Variants in PCNP observed in about 807,000 individuals in gnomAD.
PCNP encodes PEST proteolytic signal containing nuclear protein.
In PCNP, 6 loss-of-function variants were observed where a neutral mutation model predicts 21.8. That is an observed-to-expected ratio of 0.28 (90% CI 0.15 to 0.54). The LOEUF (loss-of-function observed/expected upper bound fraction) is 0.54, where lower values mean the gene tolerates loss of function less well. Ranked by LOEUF, PCNP falls within the 20% of genes least tolerant of loss-of-function variation. The probability of loss-of-function intolerance (pLI) is 0.95; values close to 1 mark genes in which losing one functional copy is unlikely to be tolerated. For missense variants in PCNP, 161 were observed against 215.5 expected (o/e 0.75, Z 1.58); for synonymous variants, 67 against 73.2 (o/e 0.92, Z 0.43).
intron 3 of PCNP, among the ~76,000 whole-genome samples, chr3:101,587,459 T>C (rs994247565): frequency 1.3e-5 from 2 of 152,040 alleles, no homozygotes; most frequent in Non-Finnish European, 2.9e-5. Flanking sequence ...ACTCATTCTA[T>C]CCATTTGAGT....
chr3:101,589,092 T>A (rs1213326955), intron 3 of PCNP, among the ~76,000 whole-genome samples: 3 of 152,228 alleles, frequency 2.0e-5, no homozygotes, highest in Non-Finnish European at 4.4e-5. Flanking sequence ...ATGATGATTT[T>A]TCTGATTCCA....
chr3:101,586,554 G>GTGTGTGTC (rs1935519506), intron 3 of PCNP, among the ~76,000 whole-genome samples: 1 of 57,716 alleles, frequency 1.7e-5, no homozygotes, highest in South Asian at 6.5e-4. Flanking sequence ...TCGTGTGTGT[G>GTGTGTGTC]TGTGTGTGTG....
At chr3:101,579,511 G>A (rs182170174) in intron 1 of PCNP, 69 of 572,640 alleles carry the variant, frequency 1.2e-4, no homozygotes, top group Non-Finnish European at 9.6e-5. Context: ...TGTACAAATT[G>A]TAGTGTTTAG....
chr3:101,574,413 C>G (rs1934744192), intron 1 of PCNP, 134 bp downstream of exon 1: 2 of 1,130,074 alleles, frequency 1.8e-6, no homozygotes. Context: ...GGGCCCAGAC[C>G]TGCCTCGGGC....
At chr3:101,576,770 T>A (rs1934926926) in intron 1 of PCNP, 2 of 1,611,580 alleles carry the variant, frequency 1.2e-6, no homozygotes, top group Admixed American at 3.3e-5. Context: ...TCATCATCAG[T>A]GAGTTCTCCC....
rs1396895364 is a variant in PCNP at position 101,580,022 on chromosome 3, A to G, written c.279+18A>G. The G allele has an allele frequency of 3.2e-6, 5 of 1,576,326 alleles. 1 individual carries two copies. Among genetic ancestry groups the G allele is most frequent in the Admixed American group, 3.3e-5 (2 of 59,930 alleles). ...GATCAAGTGTGAGTTGTTATTTCAT[A>G]TATGATGTTTGTAATGGGTCTTAAG... On this transcript the variant is annotated intron_variant, in intron 2 of 4. Transcript: ENST00000265260.
intron 3 of PCNP, among the ~76,000 whole-genome samples, chr3:101,588,797 A>G (rs1313379842): frequency 6.6e-6 from 1 of 152,254 alleles, no homozygotes; most frequent in Non-Finnish European, 1.5e-5. Flanking sequence ...CTTTTGGCAC[A>G]AATACCACAA....
At chr3:101,583,001 G>T (rs1422207242) in intron 2 of PCNP, among the ~76,000 whole-genome samples, 1 of 152,216 alleles carries the variant, frequency 6.6e-6, no homozygotes, top group Non-Finnish European at 1.5e-5. Flanking sequence ...CATCACTATG[G>T]TACCATATAG....
intron 1 of PCNP, among the ~76,000 whole-genome samples, chr3:101,577,358 A>G (rs1408919862): frequency 6.6e-6 from 1 of 152,206 alleles, no homozygotes; most frequent in South Asian, 2.1e-4. Flanking sequence ...TGAAGTTGAC[A>G]TTTATTATGT....
upstream of PCNP, chr3:101,574,134 G>C (rs571555794): frequency 2.0e-6 from 3 of 1,509,512 alleles, no homozygotes; most frequent in African/African-American, 1.4e-5. Flanking sequence ...CCACCACGCC[G>C]GCTGGCCCCA....
chr3:101,592,212 TG>T (rs768061092), intron 4 of PCNP, among the ~76,000 whole-genome samples: 1 of 151,616 alleles, frequency 6.6e-6, no homozygotes, highest in South Asian at 2.1e-4. Flanking sequence ...CTTGCTCTGT[TG>T]CCCAGGCTGG....
chr3:101,586,562 G>GTGTGTGTA (rs1935520607), intron 3 of PCNP, among the ~76,000 whole-genome samples: 1 of 54,440 alleles, frequency 1.8e-5, no homozygotes, highest in East Asian at 6.2e-4. Flanking sequence ...GTGTGTGTGT[G>GTGTGTGTA]TGTGTGTGTG....
At chr3:101,586,509 A>C (rs1935514186) in intron 3 of PCNP, among the ~76,000 whole-genome samples, 1 of 101,364 alleles carries the variant, frequency 9.9e-6, no homozygotes, top group South Asian at 3.6e-4. Flanking sequence ...AGGATACATC[A>C]GTAGTTGTTC....
chr3:101,591,581 A>C (rs550651969), intron 4 of PCNP, among the ~76,000 whole-genome samples: 90 of 152,284 alleles, frequency 5.9e-4, no homozygotes, highest in African/African-American at 2.1e-3. Flanking sequence ...AATATAGTTA[A>C]ACATAAATAA....
chr3:101,592,578 G>A, intron 4 of PCNP, 49 bp from the exon 5 acceptor site: 5 of 1,474,096 alleles, frequency 3.4e-6, no homozygotes, highest in Non-Finnish European at 4.6e-6. Flanking sequence ...ATCATAACCT[G>A]AAAGGCTTTA....
chr3:101,592,716 A>G lies in PCNP; in HGVS notation c.500A>G (p.Lys167Arg), dbSNP rs1935877699. 6.2e-7 allele frequency: 1 copy of G among 1,613,352 alleles called. No homozygotes were observed. Among genetic ancestry groups the G allele is most frequent in the Admixed American group, 1.7e-5 (1 of 59,946 alleles). The change falls in exon 5 of 5, where the codon AAA becomes AGA. Residue 167 changes from lysine to arginine, a missense_variant. Around this residue, in one of 4 missense-constraint regions of PCNP, gnomAD observed 66 missense variants for 127.8 expected, o/e 0.52. Coordinates refer to ENST00000265260, the MANE Select transcript of PCNP (RefSeq NM_020357.3). ...DNQKLWERNI[K>R]SHLGNVHDQD... The stretch of plus-strand genomic sequence containing the variant: ...CAGAAGCTGTGGGAGCGAAATATAA[A>G]ATCTCATCTTGGAAATGTCCATGAC...
intron 1 of PCNP, chr3:101,575,019 C>G (rs1458393437): frequency 6.6e-6 from 1 of 152,134 alleles, no homozygotes; most frequent in Non-Finnish European, 1.5e-5. Flanking sequence ...AATAGTCTAG[C>G]GTGACTCTTC....
At chr3:101,578,903 C>G (rs7621062) in intron 1 of PCNP, among the ~76,000 whole-genome samples, 132,602 of 152,210 alleles carry the variant, frequency 0.87, 58,459 homozygotes, top group East Asian at 1. Context: ...AAGTTTTAAT[C>G]ATCAGCCAGC....
intron 1 of PCNP, among the ~76,000 whole-genome samples, chr3:101,577,421 A>C (rs1287977369): frequency 6.6e-6 from 1 of 152,238 alleles, no homozygotes; most frequent in East Asian, 1.9e-4. Context: ...ACACCTCTGC[A>C]TACTAGAGAG....
Sources: allele counts gnomAD v4.1 joint callset (sites outside exome capture counted in the v4.1 genomes callset), GRCh38; gene constraint gnomAD v4.1.1; regional missense constraint gnomAD v4.1.1; transcripts MANE v1.5; gene names NCBI Gene and HGNC (gene_info 2026-07-23, HGNC 2026-07-21).